Variants in DLGAP1 observed in about 807,000 individuals in gnomAD.
The protein encoded by DLGAP1 is DLG associated protein 1.
Under a neutral mutation model 90.8 loss-of-function variants are expected in DLGAP1, and 11 were observed. That is an observed-to-expected ratio of 0.12 (90% CI 0.08 to 0.20). The LOEUF is 0.20. DLGAP1 is among the 10% of genes least tolerant of loss of function. The pLI is 1.00. For missense variants in DLGAP1, 1,050 were observed against 1,333.8 expected, an observed-to-expected ratio of 0.79 and a Z score of 3.31; for synonymous variants, 558 against 540.7, an observed-to-expected ratio of 1.03 and a Z score of -0.44.
intron 7 of DLGAP1, among the ~76,000 whole-genome samples, chr18:3,667,092 T>TC (rs1013903698): frequency 9.9e-5 from 15 of 151,842 alleles, no homozygotes; most frequent in Non-Finnish European, 1.5e-5. Flanking sequence ...TTTTTTTTTT[T>TC]TTGGGAGTCA....
intron 3 of DLGAP1, among the ~76,000 whole-genome samples, chr18:3,951,035 C>A (rs2072975333): frequency 1.3e-5 from 2 of 152,208 alleles, no homozygotes; most frequent in Non-Finnish European, 2.9e-5. Flanking sequence ...TCAGAAGTTA[C>A]CTTTTCTGCA....
intron 7 of DLGAP1, among the ~76,000 whole-genome samples, chr18:3,632,108 C>G (rs542588674): frequency 6.6e-6 from 1 of 152,138 alleles, no homozygotes; most frequent in Non-Finnish European, 1.5e-5. Context: ...TTTACACTAT[C>G]AATGCCCATG....
intron 1 of DLGAP1, among the ~76,000 whole-genome samples, chr18:4,312,948 T>C (rs2080437620): frequency 6.6e-6 from 1 of 152,194 alleles, no homozygotes; most frequent in South Asian, 2.1e-4. Flanking sequence ...TGCCAGGACA[T>C]GCACACACAA....
chr18:4,173,239 G>A (rs2144601187), intron 1 of DLGAP1, among the ~76,000 whole-genome samples: 1 of 152,306 alleles, frequency 6.6e-6, no homozygotes, highest in African/African-American at 2.4e-5. Flanking sequence ...ATAGTAGTTT[G>A]ACCTGCAGGG....
intron 2 of DLGAP1, chr18:4,013,844 C>T (rs1343733703): frequency 6.6e-6 from 1 of 152,094 alleles, no homozygotes; most frequent in Non-Finnish European, 1.5e-5. Flanking sequence ...CTCTGAATTC[C>T]ACCAAAAAAC....
intron 10 of DLGAP1, among the ~76,000 whole-genome samples, chr18:3,516,311 T>G (rs2050844690): frequency 6.6e-6 from 1 of 152,092 alleles, no homozygotes; most frequent in Admixed American, 6.6e-5. Context: ...GATACAGGCA[T>G]GCACTGTGAA....
chr18:3,536,625 A>G (rs1220384862), intron 9 of DLGAP1, among the ~76,000 whole-genome samples: 7 of 152,166 alleles, frequency 4.6e-5, no homozygotes, highest in African/African-American at 1.7e-4. Flanking sequence ...CTTGGGCGCA[A>G]ACATCAGCTT....
chr18:3,536,379 A>G (rs1464760168), intron 9 of DLGAP1, among the ~76,000 whole-genome samples: 1 of 151,858 alleles, frequency 6.6e-6, no homozygotes, highest in Non-Finnish European at 1.5e-5. Flanking sequence ...ATGCACCACC[A>G]TGCCCATCTA....
chr18:3,986,206 CTGCG>C (rs1437425594), intron 3 of DLGAP1: 2 of 152,110 alleles, frequency 1.3e-5, no homozygotes, highest in Non-Finnish European at 2.9e-5. Flanking sequence ...GGTGGATAGT[CTGCG>C]TCAAGACTGC....
At chr18:4,100,198 A>G (rs2075757751) in intron 2 of DLGAP1, among the ~76,000 whole-genome samples, 1 of 152,202 alleles carries the variant, frequency 6.6e-6, no homozygotes, top group African/African-American at 2.4e-5. Flanking sequence ...TTTCTTAAAT[A>G]ATAAGACTTG....
chr18:3,806,985 G>T (rs760982724), intron 5 of DLGAP1, among the ~76,000 whole-genome samples: 28 of 152,166 alleles, frequency 1.8e-4, no homozygotes, highest in Non-Finnish European at 2.2e-4. Context: ...CTGAACCCAG[G>T]CTCCTAAGAG....
chr18:3,628,411 C>T (rs1353551503), intron 7 of DLGAP1, among the ~76,000 whole-genome samples: 4 of 152,034 alleles, frequency 2.6e-5, no homozygotes, highest in East Asian at 1.9e-4. Flanking sequence ...GGGTCTTGTA[C>T]TCCTGACCTC....
chr18:3,692,865 C>T (rs8084522), intron 7 of DLGAP1, among the ~76,000 whole-genome samples: 38,876 of 152,004 alleles, frequency 0.26, 5,601 homozygotes, highest in East Asian at 0.43. Context: ...ATGAGGTGGG[C>T]CTGAAGCCAA....
intron 3 of DLGAP1, among the ~76,000 whole-genome samples, chr18:3,940,410 C>T (rs115110235): frequency 1.3e-5 from 2 of 152,244 alleles, no homozygotes; most frequent in African/African-American, 2.4e-5. Flanking sequence ...TTGTCAGTGT[C>T]GAGGTAATTT....
In DLGAP1 at chr18:3,880,037, T is replaced by C. The variant is rs150825787; in HGVS notation, c.32A>G (p.His11Arg). The change falls in exon 4 of 13, where the codon CAC becomes CGC. Residue 11 changes from histidine to arginine, a missense_variant. By Grantham distance (29) the His-to-Arg change is conservative. Transcript: ENST00000315677. ...GGCCGAGTCGCAGGTGACCCCGTGG[T>C]GATGGCTGCGGCTGCCTGATAGCCC... MKGLSGSRSH[H>R]HGVTCDSACD... is the part of the protein sequence containing the mutation. The C allele has an allele frequency of 1.4e-4, 225 of 1,605,240 alleles. No homozygotes were observed. The highest frequency in any genetic ancestry group is 2.0e-4 in the Middle Eastern group (1 of 5,088).
chr18:3,651,462 T>C (rs911420295), intron 7 of DLGAP1, among the ~76,000 whole-genome samples: 19 of 152,146 alleles, frequency 1.2e-4, no homozygotes, highest in African/African-American at 4.6e-4. Context: ...TACCACAGTC[T>C]ACCTTGACAC....
chr18:4,081,013 C>T (rs929843742), intron 2 of DLGAP1, among the ~76,000 whole-genome samples: 6 of 151,756 alleles, frequency 4.0e-5, no homozygotes, highest in Admixed American at 1.3e-4. Flanking sequence ...CTCAGCCTCC[C>T]GAGTAGCTGG....
chr18:4,059,001 G>A (rs1038983931), intron 2 of DLGAP1, among the ~76,000 whole-genome samples: 5 of 152,242 alleles, frequency 3.3e-5, no homozygotes, highest in Admixed American at 6.5e-5. Flanking sequence ...CAGAGATGAA[G>A]GCTAGTCTGA....
chr18:4,244,712 A>G (rs536522700), intron 1 of DLGAP1, among the ~76,000 whole-genome samples: 1 of 152,328 alleles, frequency 6.6e-6, no homozygotes, highest in Non-Finnish European at 1.5e-5. Flanking sequence ...TAAAATAGGT[A>G]GGATTATGTC....
Sources: gnomAD v4.1 joint callset for allele counts (sites outside exome capture counted in the v4.1 genomes callset) on GRCh38, gnomAD v4.1.1 for gene constraint, MANE v1.5 for transcripts, NCBI Gene and HGNC (gene_info 2026-07-23, HGNC 2026-07-21) for gene names.